Variants in DPP6 observed in about 807,000 individuals in gnomAD.
DPP6 encodes the protein dipeptidyl peptidase like 6, also known as A-type potassium channel modulatory protein DPP6.
In DPP6, 69 loss-of-function variants were observed where a neutral mutation model predicts 122.6. The observed-to-expected ratio is 0.56, with a 90% confidence interval of 0.46 to 0.69. DPP6 has a LOEUF of 0.69. DPP6 is among the 30% of genes least tolerant of loss of function. DPP6 has a pLI of 0.00. For synonymous variants in DPP6, 418 were observed against 433.1 expected (o/e 0.97, Z 0.43); for missense variants, 928 against 1,116.9 (o/e 0.83, Z 2.41).
chr7:154,194,053 G>A (rs905173459), intron 1 of DPP6, among the ~76,000 whole-genome samples: 1 of 152,188 alleles, frequency 6.6e-6, no homozygotes, highest in African/African-American at 2.4e-5. Context: ...CGTCAGAGAA[G>A]CTGTTAAACT....
intron 1 of DPP6, chr7:154,059,360 T>G (rs1446195525): frequency 1.3e-5 from 2 of 155,920 alleles, no homozygotes; most frequent in East Asian, 3.9e-4. Flanking sequence ...CCTAAGATCC[T>G]TAGGACCCAC....
intron 17 of DPP6, among the ~76,000 whole-genome samples, chr7:154,856,736 A>G (rs746955825): frequency 2.0e-5 from 3 of 152,232 alleles, no homozygotes; most frequent in Non-Finnish European, 4.4e-5. Flanking sequence ...GCGGAGCTGC[A>G]TAAATGGGAA....
At position 154,867,855 on chromosome 7, in the gene DPP6, T is replaced by C. The variant is rs114052231; in HGVS notation, c.1715-140T>C. Reference sequence around the variant, plus strand: ...GCGTGTTTTTTAATGCCCAGTTTCTTTTTCTGTACACTAGAAATAATAATA... The same window carrying C: ...GCGTGTTTTTTAATGCCCAGTTTCTCTTTCTGTACACTAGAAATAATAATA... On this transcript the variant is annotated intron_variant, in intron 17 of 25. Transcript: ENST00000377770. The C allele has an allele frequency of 9.7e-3, 11,530 of 1,184,648 alleles. 161 individuals carry two copies. The highest frequency in any genetic ancestry group is 0.052 in the African/African-American group (3,342 of 63,710). 73.4% of individuals were successfully genotyped at this position (1,184,648 alleles called of 1,614,324 possible). A position where few individuals can be genotyped will look rare whatever the true frequency, so the allele number is the denominator to read the frequency against.
chr7:154,243,654 G>A (rs2150880459), intron 1 of DPP6, among the ~76,000 whole-genome samples: 1 of 152,074 alleles, frequency 6.6e-6, no homozygotes, highest in African/African-American at 2.4e-5. Context: ...AATTAGCCGG[G>A]CATGGTGGCG....
At chr7:153,790,484 C>T in the DPP6 span, among the ~76,000 whole-genome samples, 1 of 152,076 alleles carries the variant, frequency 6.6e-6, no homozygotes, top group African/African-American at 2.4e-5. Context: ...TCCTGTGGCT[C>T]CATTAGTTTA....
At chr7:154,218,407 C>G (rs1800123101) in intron 1 of DPP6, among the ~76,000 whole-genome samples, 1 of 152,204 alleles carries the variant, frequency 6.6e-6, no homozygotes, top group African/African-American at 2.4e-5. Flanking sequence ...GATTACTTGG[C>G]TAATTCATCA....
At chr7:154,160,005 G>T (rs1158497073) in intron 1 of DPP6, among the ~76,000 whole-genome samples, 5 of 152,242 alleles carry the variant, frequency 3.3e-5, no homozygotes, top group African/African-American at 1.2e-4. Context: ...CCCTACTTGG[G>T]AGGCTGAGGT....
chr7:154,803,210 A>T (rs74955031), intron 13 of DPP6, among the ~76,000 whole-genome samples: 3,443 of 152,268 alleles, frequency 0.023, 115 homozygotes, highest in African/African-American at 0.078. Context: ...TCTGCCTTCC[A>T]GAACAGCTGC....
chr7:154,646,630 G>A (rs892113253), intron 6 of DPP6, among the ~76,000 whole-genome samples: 1 of 151,728 alleles, frequency 6.6e-6, no homozygotes, highest in African/African-American at 2.4e-5. Flanking sequence ...TTCTAAAGGG[G>A]ATATTTAGGA....
intron 1 of DPP6, among the ~76,000 whole-genome samples, chr7:154,219,594 T>A (rs1016550534): frequency 1.3e-5 from 2 of 152,046 alleles, no homozygotes; most frequent in African/African-American, 4.8e-5. Flanking sequence ...TTTTTTTTTC[T>A]TTGAGACGGA....
intron 1 of DPP6, among the ~76,000 whole-genome samples, chr7:153,984,621 C>T (rs1425954960): frequency 2.0e-5 from 3 of 152,042 alleles, no homozygotes; most frequent in South Asian, 2.1e-4. Flanking sequence ...GTTTTGCATT[C>T]GCATAGCTGA....
intron 12 of DPP6, among the ~76,000 whole-genome samples, chr7:154,796,917 C>T (rs1798082517): frequency 6.6e-6 from 1 of 152,150 alleles, no homozygotes; most frequent in South Asian, 2.1e-4. Context: ...GGAATGGTTC[C>T]ACATGGCCAC....
chr7:154,684,715 T>G (rs1348059681), intron 7 of DPP6, among the ~76,000 whole-genome samples: 2 of 152,208 alleles, frequency 1.3e-5, no homozygotes, highest in Admixed American at 1.3e-4. Flanking sequence ...AAAAAGGTTA[T>G]GATTGCACGT....
intron 1 of DPP6, among the ~76,000 whole-genome samples, chr7:153,926,397 G>A (rs187039482): frequency 3.9e-5 from 6 of 152,324 alleles, no homozygotes; most frequent in Middle Eastern, 3.4e-3. Context: ...ATTACAAGGA[G>A]ACAGGGATGC....
chr7:154,460,577 A>G (rs1264077684), intron 2 of DPP6, among the ~76,000 whole-genome samples: 1 of 152,060 alleles, frequency 6.6e-6, no homozygotes, highest in Non-Finnish European at 1.5e-5. Flanking sequence ...CCAGCTTCCT[A>G]CTCTTTCTCT....
At chr7:153,852,060 A>C in the DPP6 span, among the ~76,000 whole-genome samples, 2 of 152,034 alleles carry the variant, frequency 1.3e-5, no homozygotes, top group Non-Finnish European at 2.9e-5. Context: ...TGTGTTATTC[A>C]GCCTTTGGAG....
At chr7:153,862,164 A>G in the DPP6 span, among the ~76,000 whole-genome samples, 1 of 152,240 alleles carries the variant, frequency 6.6e-6, no homozygotes, top group Non-Finnish European at 1.5e-5. Flanking sequence ...AGGAGGCACA[A>G]AAGTTATTTT....
chr7:154,073,892 A>G (rs1414417146), intron 1 of DPP6, among the ~76,000 whole-genome samples: 1 of 152,206 alleles, frequency 6.6e-6, no homozygotes, highest in Non-Finnish European at 1.5e-5. Flanking sequence ...AGGCTGAGGC[A>G]GGAGAATTGC....
chr7:154,147,068 C>G (rs1260448481), intron 1 of DPP6, among the ~76,000 whole-genome samples: 1 of 152,132 alleles, frequency 6.6e-6, no homozygotes, highest in African/African-American at 2.4e-5. Flanking sequence ...CTTTGTTTGT[C>G]ATTTCTCCTG....
Sources: gnomAD v4.1 joint callset for allele counts (sites outside exome capture counted in the v4.1 genomes callset) on GRCh38, gnomAD v4.1.1 for gene constraint, MANE v1.5 for transcripts, NCBI Gene and HGNC (gene_info 2026-07-23, HGNC 2026-07-21) for gene names.